ANKHD1: variants seen among roughly 807,000 people sequenced by gnomAD.
ANKHD1 encodes ankyrin repeat and KH domain-containing protein 1.
A neutral mutation model predicts 230.5 loss-of-function variants in ANKHD1; 31 were observed. The ratio of observed to expected loss-of-function variants is 0.13; its 90% CI spans 0.10 to 0.18. The LOEUF is 0.18. ANKHD1 is among the 10% of genes least tolerant of loss of function. The probability of loss-of-function intolerance (pLI) is 1.00; values close to 1 mark genes in which losing one functional copy is unlikely to be tolerated. For missense variants in ANKHD1, 2,256 were observed against 3,071.3 expected (o/e 0.73, Z 6.27); for synonymous variants, 1,074 against 1,117.6 (o/e 0.96, Z 0.78).
rs200252434 is a variant in ANKHD1, at chr5:140,421,449, G to A, written c.307-14655G>A. ...CTGAGTAGCTGGGATTACAGGGGCC[G>A]GCCACCACACCCAGCTAATTTTTGT... On this transcript the variant is annotated intron_variant, in intron 1 of 33. Transcript: ENST00000360839. Among the ~76,000 whole-genome samples, 89 of 151,700 alleles carry A rather than the reference G, an allele frequency of 5.9e-4. 1 individual carries two copies. The East Asian group carries it at 0.016, about 28-fold the overall frequency.
chr5:140,537,684 A>G, intron 31 of ANKHD1, 95 bp downstream of exon 31: 1 of 1,444,012 alleles, frequency 6.9e-7, no homozygotes. Flanking sequence ...AAACAAAAAA[A>G]ACTTAGTTCC....
chr5:140,411,833 A>G (rs1581203903), intron 1 of ANKHD1, among the ~76,000 whole-genome samples: 1 of 141,804 alleles, frequency 7.1e-6, no homozygotes, highest in Non-Finnish European at 1.5e-5. Flanking sequence ...CTTTTTTTAA[A>G]TTTTTTTTTT....
intron 10 of ANKHD1, among the ~76,000 whole-genome samples, chr5:140,474,359 G>T (rs1284620915): frequency 6.6e-6 from 1 of 151,980 alleles, no homozygotes; most frequent in East Asian, 1.9e-4. Context: ...TGTGATTTTG[G>T]TCTTTCTCCT....
At chr5:140,474,598 CTTT>C (rs771180811) in intron 10 of ANKHD1, among the ~76,000 whole-genome samples, 2 of 120,856 alleles carry the variant, frequency 1.7e-5, no homozygotes, top group Non-Finnish European at 3.5e-5. Flanking sequence ...TTTTTTTCTT[CTTT>C]TTTTTTTTTT....
At chr5:140,467,427 C>T (rs933226843) in intron 10 of ANKHD1, among the ~76,000 whole-genome samples, 1 of 151,948 alleles carries the variant, frequency 6.6e-6, no homozygotes, top group Non-Finnish European at 1.5e-5. Context: ...CAATACTGTT[C>T]TTCATATAAA....
In ANKHD1 at chr5:140,468,052, C is replaced by CTTTTTTTTT. The variant is rs869172143; in HGVS notation, c.1782+3308_1782+3316dup. On this transcript the variant is annotated intron_variant, in intron 10 of 33. Transcript: ENST00000360839. Reference sequence around the variant, plus strand: ...AGTTTAAGGTTTAAGTGTACTAATTCTTTTTTTTTTTTTTTTTTTTTTTTT... The same window carrying CTTTTTTTTT: ...AGTTTAAGGTTTAAGTGTACTAATTCTTTTTTTTTTTTTTTTTTTTTTTTTTTTTTTTTT... 3.6e-4 allele frequency among the ~76,000 whole-genome samples: 19 copies of CTTTTTTTTT among 52,412 alleles called. 1 individual carries two copies. The highest frequency in any genetic ancestry group is 8.9e-4 in the African/African-American group (10 of 11,272). The allele number at this position is 52,412 out of a possible 152,430, so 34.4% of individuals were successfully genotyped here. A position where few individuals can be genotyped will look rare whatever the true frequency, so the allele number is the denominator to read the frequency against.
chr5:140,465,813 T>C (rs1038362181), intron 10 of ANKHD1, among the ~76,000 whole-genome samples: 8 of 152,130 alleles, frequency 5.3e-5, no homozygotes, highest in Admixed American at 3.3e-4. Context: ...TTTTGGGAGG[T>C]ATGCTTTTTT....
At chr5:140,454,264 A>T (rs1480845241) in intron 7 of ANKHD1, among the ~76,000 whole-genome samples, 1 of 151,790 alleles carries the variant, frequency 6.6e-6, no homozygotes, top group Non-Finnish European at 1.5e-5. Flanking sequence ...TAATAATGGG[A>T]GACTTTAACA....
In ANKHD1 at chr5:140,507,763, C is replaced by G; in HGVS notation, c.3552-22C>G. The G allele has an allele frequency of 6.2e-7, 1 of 1,605,584 alleles. No homozygotes were observed. The highest frequency in any genetic ancestry group is 8.5e-7 in the Non-Finnish European group (1 of 1,173,978). On this transcript the variant is annotated intron_variant, in intron 19 of 33. Transcript: ENST00000360839. This position sits in a 1 kb window ranked among gnomAD's most constrained non-coding sequence, Gnocchi z 4.1. The stretch of plus-strand genomic sequence containing the variant: ...ATAGGCAACATATTATTTTAATTTT[C>G]TAAGCACATTTCCCCCTTTAGGACT...
chr5:140,518,981 A>T (rs1204990526), intron 24 of ANKHD1, among the ~76,000 whole-genome samples: 1 of 152,208 alleles, frequency 6.6e-6, no homozygotes, highest in African/African-American at 2.4e-5. Flanking sequence ...AATTAGGAAA[A>T]GAGGAAGTCA....
In ANKHD1 at chr5:140,402,119, G is replaced by T; in HGVS notation, c.152G>T (p.Gly51Val). 1.3e-6 allele frequency: 2 copies of T among 1,540,960 alleles called. No individual in the cohort carries two copies. Among genetic ancestry groups the T allele is most frequent in the Non-Finnish European group, 1.7e-6 (2 of 1,147,736 alleles). ...ACCGTGAGGCTCTTTGGGGAGGCCG[G>T]GCCAGCGTCGGGAGTCGGCAGCAGC... ...IRTVRLFGEA[G>V]PASGVGSSGG... Residue 51 changes from glycine to valine, a missense_variant, in exon 1 of 34, where the codon GGG becomes GTG. Around this residue, in one of 13 missense-constraint regions of ANKHD1, gnomAD observed 193 missense variants for 185.8 expected, o/e 1.04. Coordinates refer to ENST00000360839, the MANE Select transcript of ANKHD1 (RefSeq NM_017747.3).
chr5:140,404,047 G>A (rs892800185), intron 1 of ANKHD1, among the ~76,000 whole-genome samples: 10 of 152,210 alleles, frequency 6.6e-5, no homozygotes, highest in African/African-American at 2.4e-4. Context: ...GAATGTCTAC[G>A]TCTTTGAATT....
intron 2 of ANKHD1, among the ~76,000 whole-genome samples, chr5:140,437,590 C>T (rs1046331325): frequency 2.0e-5 from 3 of 152,296 alleles, no homozygotes; most frequent in South Asian, 2.1e-4. Context: ...CCTGTAATCC[C>T]AGCTACTCGA....
chr5:140,464,333 T>G (rs770664385), intron 9 of ANKHD1, among the ~76,000 whole-genome samples: 10 of 152,082 alleles, frequency 6.6e-5, no homozygotes, highest in Non-Finnish European at 1.0e-4. Flanking sequence ...ACAATATCCA[T>G]AGAACTGTCT....
intron 1 of ANKHD1, among the ~76,000 whole-genome samples, chr5:140,410,467 T>C (rs1230823435): frequency 6.6e-6 from 1 of 152,184 alleles, no homozygotes; most frequent in Admixed American, 6.5e-5. Context: ...AATATGTTAC[T>C]TTAAAGAAAA....
Position 140,499,688 on chromosome 5 carries a change from AATT to A in ANKHD1, c.3004+2414_3004+2416del, listed in dbSNP as rs1478585579. 5.9e-5 allele frequency among the ~76,000 whole-genome samples: 9 copies of A among 152,106 alleles called. No individual in the cohort carries two copies. The East Asian group carries it at 1.7e-3, about 29-fold the overall frequency. ...GATGTAGTTCCAAACAGACTATATA[AATT>A]ATTGATTAGGAACATGGTTCCTCAA... On this transcript the variant is annotated intron_variant, in intron 15 of 33. Coordinates refer to ENST00000360839, the MANE Select transcript of ANKHD1 (RefSeq NM_017747.3).
chr5:140,413,529 T>C (rs1183533266), intron 1 of ANKHD1, among the ~76,000 whole-genome samples: 1 of 152,164 alleles, frequency 6.6e-6, no homozygotes, highest in Non-Finnish European at 1.5e-5. Flanking sequence ...CCCTAGCAAC[T>C]ACCATTCTAC....
chr5:140,529,875 C>G, intron 29 of ANKHD1, 79 bp downstream of exon 29: 1 of 1,539,678 alleles, frequency 6.5e-7, no homozygotes, highest in South Asian at 1.3e-5. Context: ...AAAAAAGTAG[C>G]AAGAGGTAAA....
chr5:140,441,175 A>G (rs775020190), intron 5 of ANKHD1, 33 bp downstream of exon 5: 1 of 1,487,454 alleles, frequency 6.7e-7, no homozygotes, highest in South Asian at 1.4e-5. Flanking sequence ...ATTGGGAGAA[A>G]AAATTGACAT....
Sources: allele counts gnomAD v4.1 joint callset (sites outside exome capture counted in the v4.1 genomes callset), GRCh38; gene constraint gnomAD v4.1.1; regional missense constraint gnomAD v4.1.1; non-coding constraint Gnocchi (gnomAD v3.1); transcripts MANE v1.5; gene names NCBI Gene and HGNC (gene_info 2026-07-23, HGNC 2026-07-21).